Variants in SLC35D1 observed in about 807,000 individuals in gnomAD.
SLC35D1 encodes solute carrier family 35 member D1.
A neutral mutation model predicts 46.7 loss-of-function variants in SLC35D1; 31 were observed. The ratio of observed to expected loss-of-function variants is 0.66; its 90% CI spans 0.50 to 0.90. The LOEUF (loss-of-function observed/expected upper bound fraction) is 0.90, where lower values mean the gene tolerates loss of function less well. Ranked by LOEUF, SLC35D1 falls within the 40% of genes least tolerant of loss-of-function variation. The pLI is 0.00. For synonymous variants in SLC35D1, 195 were observed against 164.6 expected, an observed-to-expected ratio of 1.18 and a Z score of -1.41; for missense variants, 397 against 426.2, an observed-to-expected ratio of 0.93 and a Z score of 0.60.
intron 10 of SLC35D1, among the ~76,000 whole-genome samples, chr1:67,016,959 A>G (rs1434616117): frequency 2.6e-5 from 4 of 152,186 alleles, no homozygotes; most frequent in Non-Finnish European, 5.9e-5. Context: ...TAACTTTCTG[A>G]CAGACCAAGG....
Position 67,053,864 on chromosome 1 carries a change from G to T in SLC35D1, c.150C>A (p.Gly50=), listed in dbSNP as rs771915745. 2 of 1,613,494 alleles carry T rather than the reference G, an allele frequency of 1.2e-6. No individual in the cohort carries two copies. Among genetic ancestry groups the T allele is most frequent in the Admixed American group, 1.7e-5 (1 of 59,988 alleles). The change falls in exon 1 of 12, where the codon GGC becomes GGA. Residue 50 remains glycine (G), a synonymous_variant. Coordinates refer to ENST00000235345, the MANE Select transcript of SLC35D1 (RefSeq NM_015139.3). Reference sequence around the variant, plus strand: ...CCACCACGATCAGGAAGGAGCTCACGCCGTAAAAGCCGGCGGCCAGCAGCT... The same window carrying T: ...CCACCACGATCAGGAAGGAGCTCACTCCGTAAAAGCCGGCGGCCAGCAGCT... ...FLKLLAAGFY[G]VSSFLIVVVN...
At chr1:67,034,399 C>G (rs769802337) in intron 8 of SLC35D1, among the ~76,000 whole-genome samples, 1 of 152,018 alleles carries the variant, frequency 6.6e-6, no homozygotes, top group Non-Finnish European at 1.5e-5. Context: ...ACTGTAAAGA[C>G]TTTTCACTTC....
intron 8 of SLC35D1, among the ~76,000 whole-genome samples, chr1:67,037,185 G>A (rs1668141515): frequency 6.6e-6 from 1 of 151,876 alleles, no homozygotes; most frequent in Admixed American, 6.6e-5. Context: ...TTTTTGATGG[G>A]TTCATCTTTT....
intron 11 of SLC35D1, among the ~76,000 whole-genome samples, chr1:67,005,384 A>G (rs1291497099): frequency 3.9e-5 from 6 of 152,306 alleles, no homozygotes; most frequent in Admixed American, 2.6e-4. Context: ...CAGAAGGGTG[A>G]GAGACGCCTA....
rs1049421153 is a variant in SLC35D1, at chr1:67,000,047, G to A, written c.*4293C>T. ...CACTTTGGGAGGCTGAGACAGAAGG[G>A]TTACTTGAGGCCAGGAGTTTGAGAC... On this transcript the variant is annotated 3_prime_UTR_variant, in exon 12 of 12. Coordinates refer to ENST00000235345, the MANE Select transcript of SLC35D1 (RefSeq NM_015139.3). 4 of 151,562 alleles carry A rather than the reference G, an allele frequency of 2.6e-5. No homozygotes were observed. The highest frequency in any genetic ancestry group is 4.8e-5 in the African/African-American group (2 of 41,250). 9.4% of individuals were successfully genotyped at this position (151,562 alleles called of 1,614,324 possible).
intron 8 of SLC35D1, among the ~76,000 whole-genome samples, chr1:67,036,710 C>CTTTTTTTTTTTTT (rs56674117): frequency 2.8e-5 from 4 of 144,422 alleles, no homozygotes; most frequent in Non-Finnish European, 3.0e-5. Flanking sequence ...ATCACTGGGT[C>CTTTTTTTTTTTTT]TTTTTTTTTT....
At chr1:67,051,404 A>G (rs944324198) in intron 4 of SLC35D1, among the ~76,000 whole-genome samples, 6 of 152,220 alleles carry the variant, frequency 3.9e-5, no homozygotes, top group African/African-American at 1.4e-4. Context: ...CGATATGTAC[A>G]CTACAATAAG....
At chr1:67,037,212 A>G (rs1441497117) in intron 8 of SLC35D1, among the ~76,000 whole-genome samples, 1 of 152,114 alleles carries the variant, frequency 6.6e-6, no homozygotes, top group East Asian at 1.9e-4. Flanking sequence ...TATATGTAAA[A>G]TAAGAGTAGT....
the SLC35D1 span, chr1:66,987,762 A>AAT: frequency 0.12 from 18,256 of 151,650 alleles, 1,431 homozygotes; most frequent in African/African-American, 0.23. Flanking sequence ...TGACAAGGCA[A>AAT]ATATATATAT....
chr1:67,014,792 T>A (rs1056099728), intron 10 of SLC35D1, among the ~76,000 whole-genome samples: 1 of 151,208 alleles, frequency 6.6e-6, no homozygotes, highest in African/African-American at 2.4e-5. Flanking sequence ...TTACTTAATT[T>A]ATCTGTGAGC....
chr1:67,043,005 C>G (rs936163886), intron 7 of SLC35D1, among the ~76,000 whole-genome samples: 1 of 152,044 alleles, frequency 6.6e-6, no homozygotes, highest in Non-Finnish European at 1.5e-5. Flanking sequence ...CAAGACCAGC[C>G]TGGCCAACAT....
chr1:67,032,544 G>A lies in SLC35D1; in HGVS notation c.729+9692C>T, dbSNP rs562929759. On this transcript the variant is annotated intron_variant, in intron 8 of 11. Coordinates refer to ENST00000235345, the MANE Select transcript of SLC35D1 (RefSeq NM_015139.3). Reference sequence around the variant, plus strand: ...AAAAATACAAAAATTAGCTGGGCGTGGTGGCGTGCACCTGTAATCCCAGCT... The same window carrying A: ...AAAAATACAAAAATTAGCTGGGCGTAGTGGCGTGCACCTGTAATCCCAGCT... 2.6e-5 allele frequency among the ~76,000 whole-genome samples: 4 copies of A among 152,048 alleles called. No individual in the cohort carries two copies. The South Asian group carries it at 8.3e-4, about 32-fold the overall frequency.
At chr1:67,008,555 G>C in intron 11 of SLC35D1, 1 of 880,294 alleles carries the variant, frequency 1.1e-6, no homozygotes, top group Non-Finnish European at 1.5e-6. Flanking sequence ...CAAATCTATT[G>C]AATCTACTAA....
At chr1:67,032,948 A>G (rs563122642) in intron 8 of SLC35D1, among the ~76,000 whole-genome samples, 1 of 152,138 alleles carries the variant, frequency 6.6e-6, no homozygotes, top group East Asian at 1.9e-4. Context: ...TCTCCATCAG[A>G]TCAATTGTTT....
intron 6 of SLC35D1, among the ~76,000 whole-genome samples, chr1:67,047,881 G>C (rs1254524838): frequency 1.3e-5 from 2 of 152,162 alleles, no homozygotes; most frequent in Admixed American, 6.5e-5. Flanking sequence ...TAAGCACATA[G>C]CAGGAACTCA....
At chr1:67,042,405 A>G in intron 7 of SLC35D1, 77 bp from the exon 8 acceptor site, 2 of 1,038,884 alleles carry the variant, frequency 1.9e-6, no homozygotes, top group South Asian at 1.3e-5. Context: ...TACCACTCAA[A>G]CTACACATAA....
At chr1:67,040,728 T>C (rs1386106315) in intron 8 of SLC35D1, among the ~76,000 whole-genome samples, 1 of 152,208 alleles carries the variant, frequency 6.6e-6, no homozygotes, top group Non-Finnish European at 1.5e-5. Context: ...TGCTCTTCCT[T>C]GACCTAGATT....
intron 5 of SLC35D1, 55 bp downstream of exon 5, chr1:67,050,378 C>T: frequency 7.7e-7 from 1 of 1,303,816 alleles, no homozygotes; most frequent in Non-Finnish European, 1.1e-6. Context: ...CTCACATATG[C>T]TGGGCACCTT....
At chr1:66,978,620 T>C in the SLC35D1 span, among the ~76,000 whole-genome samples, 2 of 152,218 alleles carry the variant, frequency 1.3e-5, no homozygotes. Context: ...AGGTATTATA[T>C]AGGGAAAAGC....
Sources: allele counts gnomAD v4.1 joint callset (sites outside exome capture counted in the v4.1 genomes callset), GRCh38; gene constraint gnomAD v4.1.1; transcripts MANE v1.5; gene names NCBI Gene and HGNC (gene_info 2026-07-23, HGNC 2026-07-21).